SAMD8: variants seen among roughly 807,000 people sequenced by gnomAD.
The protein encoded by SAMD8 is sphingomyelin synthase-related protein 1.
In SAMD8, 20 loss-of-function variants were observed where a neutral mutation model predicts 42.0. The ratio of observed to expected loss-of-function variants is 0.48; its 90% CI spans 0.34 to 0.69. The LOEUF (loss-of-function observed/expected upper bound fraction) is 0.69, where lower values mean the gene tolerates loss of function less well. Ranked by LOEUF, SAMD8 falls within the 30% of genes least tolerant of loss-of-function variation. The pLI is 0.01. For synonymous variants in SAMD8, 162 were observed against 173.0 expected, an observed-to-expected ratio of 0.94 and a Z score of 0.50; for missense variants, 328 against 511.6, an observed-to-expected ratio of 0.64 and a Z score of 3.46.
chr10:75,133,929 C>A (rs11001302), intron 1 of SAMD8, among the ~76,000 whole-genome samples: 19 of 152,088 alleles, frequency 1.2e-4, no homozygotes, highest in African/African-American at 4.6e-4. Flanking sequence ...CATAGTATTC[C>A]GTGGTGTATA....
chr10:75,102,428 G>A (rs1025568151), intron 1 of SAMD8, among the ~76,000 whole-genome samples: 2 of 151,912 alleles, frequency 1.3e-5, no homozygotes, highest in African/African-American at 4.8e-5. Flanking sequence ...GGGCGACAGG[G>A]CGAGACTCCG....
chr10:75,145,677 T>C (rs561167249), intron 1 of SAMD8, among the ~76,000 whole-genome samples: 3 of 152,314 alleles, frequency 2.0e-5, no homozygotes, highest in African/African-American at 7.2e-5. Context: ...GGGGAGGGGA[T>C]AGTCCTGTGC....
intron 1 of SAMD8, among the ~76,000 whole-genome samples, chr10:75,144,154 A>G (rs1193834529): frequency 6.6e-6 from 1 of 151,660 alleles, no homozygotes; most frequent in African/African-American, 2.4e-5. Context: ...TTTTTAGTGG[A>G]GATGGGGTTT....
At chr10:75,134,636 C>T (rs574803735) in intron 1 of SAMD8, among the ~76,000 whole-genome samples, 3 of 151,688 alleles carry the variant, frequency 2.0e-5, no homozygotes, top group African/African-American at 4.8e-5. Context: ...CTTTCCCCCC[C>T]CCAAAAAAAA....
intron 1 of SAMD8, among the ~76,000 whole-genome samples, chr10:75,113,558 T>G (rs943513396): frequency 6.6e-6 from 1 of 152,190 alleles, no homozygotes; most frequent in African/African-American, 2.4e-5. Context: ...TAAATCTAAA[T>G]GGATATCTAC....
chr10:75,136,284 T>C (rs941358587), intron 1 of SAMD8, among the ~76,000 whole-genome samples: 3 of 152,194 alleles, frequency 2.0e-5, no homozygotes, highest in Non-Finnish European at 4.4e-5. Context: ...CACTAAGTAC[T>C]TGGTTGAGAA....
intron 1 of SAMD8, among the ~76,000 whole-genome samples, chr10:75,119,313 C>T (rs938921221): frequency 1.3e-5 from 2 of 152,064 alleles, no homozygotes; most frequent in African/African-American, 4.8e-5. Flanking sequence ...CACCACCATG[C>T]CTAGCTAATT....
At chr10:75,167,369 C>G (rs961855268) in intron 3 of SAMD8, among the ~76,000 whole-genome samples, 16 of 151,982 alleles carry the variant, frequency 1.1e-4, no homozygotes, top group Non-Finnish European at 2.2e-4. Flanking sequence ...CAGTCCTCTC[C>G]CCTCAGCCTA....
At chr10:75,156,467 C>G (rs974088926) in intron 2 of SAMD8, among the ~76,000 whole-genome samples, 1 of 152,092 alleles carries the variant, frequency 6.6e-6, no homozygotes, top group Admixed American at 6.6e-5. Context: ...CTGAAAGTTT[C>G]ATCTCACCTA....
chr10:75,129,408 T>C (rs1382721880), intron 1 of SAMD8, among the ~76,000 whole-genome samples: 1 of 152,026 alleles, frequency 6.6e-6, no homozygotes, highest in African/African-American at 2.4e-5. Flanking sequence ...ACCCAGATAA[T>C]TTTTGTATTT....
At chr10:75,175,151 G>A (rs960076888) in intron 4 of SAMD8, among the ~76,000 whole-genome samples, 2 of 152,134 alleles carry the variant, frequency 1.3e-5, no homozygotes, top group Non-Finnish European at 2.9e-5. Flanking sequence ...CCTCAAAACT[G>A]TTGTCTCTTA....
rs1258652679 is a variant in SAMD8 at position 75,179,278 on chromosome 10, T to C, written c.*2586T>C. On this transcript the variant is annotated 3_prime_UTR_variant, in exon 6 of 6. Transcript: ENST00000542569. ...GAAGGATCACTTGAGCCCAAGGAGG[T>C]TGAGGCTACAGTGAGCTGTAATCAT... 6.6e-6 allele frequency: 1 copy of C among 151,916 alleles called. No individual in the cohort carries two copies. The highest frequency in any genetic ancestry group is 1.9e-4 in the East Asian group (1 of 5,186). The allele number at this position is 151,916 out of a possible 1,614,324, so 9.4% of individuals were successfully genotyped here. A position where few individuals can be genotyped will look rare whatever the true frequency, so the allele number is the denominator to read the frequency against.
intron 2 of SAMD8, among the ~76,000 whole-genome samples, chr10:75,155,453 C>G (rs1178002647): frequency 7.0e-6 from 1 of 142,376 alleles, no homozygotes; most frequent in Non-Finnish European, 1.5e-5. Context: ...TGCCAGAAGC[C>G]AAGCAAAAAA....
rs574374562 is a variant in SAMD8, at chr10:75,157,954, G to A, written c.579-6691G>A. On this transcript the variant is annotated intron_variant, in intron 2 of 5. Transcript: ENST00000542569. ...GCGGGCAGATCACCTGAGGTCGGGA[G>A]TTCAAGACCAGCCTGACCAACATGG... Among the ~76,000 whole-genome samples the A allele has an allele frequency of 5.3e-5, 8 of 151,366 alleles. No individual in the cohort carries two copies. The South Asian group carries it at 1.7e-3, about 32-fold the overall frequency.
chr10:75,172,592 G>C (rs528106780), intron 4 of SAMD8, among the ~76,000 whole-genome samples: 1 of 151,980 alleles, frequency 6.6e-6, no homozygotes, highest in South Asian at 2.1e-4. Context: ...CCACCTCCTG[G>C]GTTCAAGGGA....
chr10:75,159,063 C>CTTTTTTTTTTTTTTT (rs530043259), intron 2 of SAMD8, among the ~76,000 whole-genome samples: 1 of 133,466 alleles, frequency 7.5e-6, no homozygotes, highest in African/African-American at 2.9e-5. Flanking sequence ...TTTTCTTTTT[C>CTTTTTTTTTTTTTTT]TTTTTTTTTT....
chr10:75,122,893 A>G (rs919249015), intron 1 of SAMD8, among the ~76,000 whole-genome samples: 45 of 151,886 alleles, frequency 3.0e-4, no homozygotes, highest in Non-Finnish European at 3.2e-4. Flanking sequence ...GCAGGTTAAC[A>G]TGGTGAGTTA....
intron 4 of SAMD8, among the ~76,000 whole-genome samples, chr10:75,171,797 G>A (rs905210735): frequency 8.5e-5 from 13 of 152,098 alleles, no homozygotes; most frequent in African/African-American, 3.1e-4. Context: ...GTCCAAGGTG[G>A]GCGGATCACT....
chr10:75,152,322 A>G (rs1840308565), intron 2 of SAMD8, among the ~76,000 whole-genome samples: 1 of 150,264 alleles, frequency 6.7e-6, no homozygotes, highest in Non-Finnish European at 1.5e-5. Flanking sequence ...GGAGATCGAG[A>G]CCATCCCGGC....
Sources: allele counts gnomAD v4.1 joint callset (sites outside exome capture counted in the v4.1 genomes callset), GRCh38; gene constraint gnomAD v4.1.1; transcripts MANE v1.5; gene names NCBI Gene and HGNC (gene_info 2026-07-23, HGNC 2026-07-21).